The following PYROXD1 variants were observed in gnomAD, a reference collection of about 807,000 sequenced individuals.
PYROXD1 encodes pyridine nucleotide-disulphide oxidoreductase domain 1, also known as tRNA ligase complex-associated NAD(P)H dehydrogenase PYROXD1.
Under a neutral mutation model 62.0 loss-of-function variants are expected in PYROXD1, and 42 were observed. The observed-to-expected ratio is 0.68, with a 90% CI of 0.53 to 0.88. The LOEUF (loss-of-function observed/expected upper bound fraction) is 0.88, where lower values mean the gene tolerates loss of function less well. Ranked by LOEUF, PYROXD1 falls within the 40% of genes least tolerant of loss-of-function variation. The pLI is 0.00. For synonymous variants in PYROXD1, 170 were observed against 206.4 expected, an observed-to-expected ratio of 0.82 and a Z score of 1.51; for missense variants, 493 against 604.8, an observed-to-expected ratio of 0.82 and a Z score of 1.94.
chr12:21,470,889 G>A lies in PYROXD1; in HGVS notation c.*2135G>A. The A allele has an allele frequency of 9.7e-7, 1 of 1,028,312 alleles. No homozygotes were observed. Among genetic ancestry groups the A allele is most frequent in the Non-Finnish European group, 1.3e-6 (1 of 776,446 alleles). 63.7% of individuals were successfully genotyped at this position (1,028,312 alleles called of 1,614,324 possible). ...TTTTCTCATGTTCAACTGGACCTAG[G>A]GGAATATGACAGAAAAGCATCCCAT... On this transcript the variant is annotated 3_prime_UTR_variant, in exon 12 of 12. Transcript: ENST00000240651.
intron 5 of PYROXD1, among the ~76,000 whole-genome samples, chr12:21,453,719 G>T (rs1942544917): frequency 1.3e-5 from 2 of 152,032 alleles, no homozygotes; most frequent in African/African-American, 4.8e-5. Flanking sequence ...TGTCCTAGGA[G>T]GTAGAGCAAG....
At chr12:21,443,419 G>T (rs1019893407) in intron 2 of PYROXD1, among the ~76,000 whole-genome samples, 2 of 152,100 alleles carry the variant, frequency 1.3e-5, no homozygotes, top group Non-Finnish European at 1.5e-5. Flanking sequence ...GATAATTAGT[G>T]TCTCAGAATA....
At chr12:21,465,920 G>C (rs1054851874) in intron 10 of PYROXD1, among the ~76,000 whole-genome samples, 6 of 152,160 alleles carry the variant, frequency 3.9e-5, no homozygotes, top group African/African-American at 1.4e-4. Context: ...TTATTAAATA[G>C]GGAATCCCTT....
intron 2 of PYROXD1, 103 bp downstream of exon 2, chr12:21,440,551 C>T (rs952327990): frequency 1.5e-6 from 1 of 669,608 alleles, no homozygotes. Flanking sequence ...TAAAAATTGA[C>T]AAGTACAGTT....
At chr12:21,466,655 C>T (rs994532104) in intron 10 of PYROXD1, among the ~76,000 whole-genome samples, 14 of 152,158 alleles carry the variant, frequency 9.2e-5, no homozygotes, top group Non-Finnish European at 2.1e-4. Flanking sequence ...GCCCTTTATT[C>T]CCTTCTCCTG....
chr12:21,444,343 C>T (rs562386791), intron 2 of PYROXD1, among the ~76,000 whole-genome samples: 188 of 152,212 alleles, frequency 1.2e-3, no homozygotes, highest in African/African-American at 4.1e-3. Context: ...ATGTGCTAGG[C>T]ACATAAGATA....
Position 21,471,120 on chromosome 12 carries a change from A to G in PYROXD1, c.*2366A>G, listed in dbSNP as rs754533467. 3.2e-6 allele frequency: 5 copies of G among 1,549,444 alleles called. No homozygotes were observed. The highest frequency in any genetic ancestry group is 2.3e-5 in the Admixed American group (1 of 42,950). ...TTCTCTGCAGAAAATAAAGGCCAAC[A>G]ATAAGAAAGCTTTTGAAGGAATCAC... On this transcript the variant is annotated 3_prime_UTR_variant, in exon 12 of 12. Coordinates refer to ENST00000240651, the MANE Select transcript of PYROXD1 (RefSeq NM_024854.5).
intron 10 of PYROXD1, 174 bp from the exon 11 acceptor site, chr12:21,467,307 T>C (rs1942815100): frequency 5.8e-6 from 3 of 516,766 alleles, no homozygotes; most frequent in Admixed American, 3.9e-5. Context: ...TTAGATAGAA[T>C]TAACAAATAC....
Position 21,449,674 on chromosome 12 carries a change from G to A in PYROXD1, c.397G>A (p.Asp133Asn). The change falls in exon 4 of 12, where the codon GAT becomes AAT. Residue 133 changes from aspartate to asparagine, a missense_variant. Transcript: ENST00000240651. ...EGNPYVLGIRDTDSAQEFQKQ... is the reference protein window; with the variant it reads ...EGNPYVLGIRNTDSAQEFQKQ... ...AAATCCTTATGTATTAGGAATCCGT[G>A]ATACAGACAGTGCTCAGGTAACATT... 1 of 1,611,808 alleles carries A rather than the reference G, an allele frequency of 6.2e-7. No individual in the cohort carries two copies. Among genetic ancestry groups the A allele is most frequent in the South Asian group, 1.1e-5 (1 of 90,612 alleles).
chr12:21,439,888 A>G (rs967161618), intron 1 of PYROXD1, among the ~76,000 whole-genome samples: 1 of 152,226 alleles, frequency 6.6e-6, no homozygotes, highest in African/African-American at 2.4e-5. Flanking sequence ...GAAGAGGCAG[A>G]ATAGGAGTGC....
At chr12:21,461,366 TTACA>T (rs1323607788) in intron 8 of PYROXD1, among the ~76,000 whole-genome samples, 1 of 152,178 alleles carries the variant, frequency 6.6e-6, no homozygotes, top group African/African-American at 2.4e-5. Flanking sequence ...GCATTACATC[TTACA>T]TAGAGCTGAG....
At chr12:21,458,433 ATTC>A (rs1359140454) in intron 7 of PYROXD1, among the ~76,000 whole-genome samples, 1 of 152,222 alleles carries the variant, frequency 6.6e-6, no homozygotes, top group Non-Finnish European at 1.5e-5. Flanking sequence ...CTTTCTCATC[ATTC>A]ATGTGTTCAT....
rs1942852454 is a variant in PYROXD1, at chr12:21,468,738, A to T, written c.1487A>T (p.Glu496Val). ...CTGCTAGATCCAAATATTGATATAG[A>T]AGATTATTTTGACTAAAAATGGAAT... The part of the protein sequence containing the change: ...EDLLDPNIDI[E>V]DYFD Residue 496 changes from glutamate to valine, a missense_variant, in exon 12 of 12, where the codon GAA (glutamate) becomes GTA (valine). Coordinates refer to ENST00000240651, the MANE Select transcript of PYROXD1 (RefSeq NM_024854.5). 1 of 1,604,578 alleles carries T rather than the reference A, an allele frequency of 6.2e-7. No individual in the cohort carries two copies. Among genetic ancestry groups the T allele is most frequent in the Non-Finnish European group, 8.5e-7 (1 of 1,173,956 alleles).
intron 3 of PYROXD1, 53 bp from the exon 4 acceptor site, chr12:21,449,510 A>G (rs1565546854): frequency 2.6e-6 from 4 of 1,549,880 alleles, no homozygotes; most frequent in East Asian, 2.3e-5. Flanking sequence ...GTGAAGTTGT[A>G]TCCATGTTGA....
intron 5 of PYROXD1, among the ~76,000 whole-genome samples, chr12:21,454,335 GT>G (rs1942556318): frequency 6.6e-6 from 1 of 151,920 alleles, no homozygotes; most frequent in Admixed American, 6.6e-5. Context: ...CATATATCTT[GT>G]TTGTCTGGGA....
rs192002915 is a variant in PYROXD1 at position 21,464,079 on chromosome 12, C to G, written c.1116+1217C>G. Among the ~76,000 whole-genome samples the G allele has an allele frequency of 7.3e-5, 11 of 151,534 alleles. No individual in the cohort carries two copies. In the East Asian group the frequency reaches 1.9e-3, roughly 27 times the overall value. On this transcript the variant is annotated intron_variant, in intron 10 of 11. Transcript: ENST00000240651. Reference sequence around the variant, plus strand: ...CAGCCTTTTTGTTTCTAACCTGCCTCATTCTATGTCATTTCTGTGGCAAGA... The same window carrying G: ...CAGCCTTTTTGTTTCTAACCTGCCTGATTCTATGTCATTTCTGTGGCAAGA...
intron 1 of PYROXD1, among the ~76,000 whole-genome samples, chr12:21,438,899 C>T (rs766864155): frequency 6.6e-6 from 1 of 152,130 alleles, no homozygotes; most frequent in Non-Finnish European, 1.5e-5. Flanking sequence ...ATGCTGGGGA[C>T]TCACAGCCTG....
Position 21,440,073 on chromosome 12 carries a change from G to C in PYROXD1, c.85-295G>C, listed in dbSNP as rs17620142. Among the ~76,000 whole-genome samples, 4,890 of 152,142 alleles carry C rather than the reference G, an allele frequency of 0.032. 114 individuals are homozygous for C. Among genetic ancestry groups the C allele is most frequent in the Middle Eastern group, 0.068 (20 of 294 alleles). On this transcript the variant is annotated intron_variant, in intron 1 of 11. Coordinates refer to ENST00000240651, the MANE Select transcript of PYROXD1 (RefSeq NM_024854.5). Reference sequence around the variant, plus strand: ...TCCTCTGCATTATAACTCTAAATTGGTATAAAAAATAGTTGAAGTAAATAA... The same window carrying C: ...TCCTCTGCATTATAACTCTAAATTGCTATAAAAAATAGTTGAAGTAAATAA...
At chr12:21,447,648 C>A in intron 3 of PYROXD1, 1 of 173,692 alleles carries the variant, frequency 5.8e-6, no homozygotes. Context: ...GTTGGGAATT[C>A]GGGAACTCAG....
Sources: gnomAD v4.1 joint callset for allele counts (sites outside exome capture counted in the v4.1 genomes callset) on GRCh38, gnomAD v4.1.1 for gene constraint, MANE v1.5 for transcripts, NCBI Gene and HGNC (gene_info 2026-07-23, HGNC 2026-07-21) for gene names.